The following TBCE variants were observed in gnomAD, a reference collection of about 807,000 sequenced individuals.
The protein encoded by TBCE is tubulin-specific chaperone E.
TBCE carries 53 observed loss-of-function variants against 77.0 expected under a neutral mutation model. The observed-to-expected ratio is 0.69, with a 90% confidence interval of 0.55 to 0.87. The LOEUF (loss-of-function observed/expected upper bound fraction) is 0.87, where lower values mean the gene tolerates loss of function less well. TBCE is among the 40% of genes least tolerant of loss of function. The pLI, the probability that TBCE is intolerant of heterozygous loss-of-function variation, is 0.00. For synonymous variants in TBCE, 235 were observed against 241.3 expected, an observed-to-expected ratio of 0.97 and a Z score of 0.24; for missense variants, 624 against 622.4, an observed-to-expected ratio of 1.00 and a Z score of -0.03.
At chr1:235,372,847 C>T (rs186208727) in intron 1 of TBCE, among the ~76,000 whole-genome samples, 1 of 150,762 alleles carries the variant, frequency 6.6e-6, no homozygotes, top group Admixed American at 6.7e-5. Context: ...TGGCGTGAAC[C>T]CGGGAGGCGG....
rs35242859 is a variant in TBCE at position 235,449,079 on chromosome 1, C to CAGTT, written c.*319_*322dup. The stretch of plus-strand genomic sequence containing the variant: ...TAGCTAGCCTAATAAAATCTGAACA[C>CAGTT]AGTTAATATCTGTCATAAGACTAGT... On this transcript the variant is annotated 3_prime_UTR_variant, in exon 17 of 17. Coordinates refer to ENST00000642610, the MANE Select transcript of TBCE (RefSeq NM_003193.5). The CAGTT allele has an allele frequency of 0.11, 35,724 of 324,762 alleles. 2,568 individuals carry two copies. Among genetic ancestry groups the CAGTT allele is most frequent in the African/African-American group, 0.24 (10,983 of 46,256 alleles). 20.1% of individuals were successfully genotyped at this position (324,762 alleles called of 1,614,324 possible). A position where few individuals can be genotyped will look rare whatever the true frequency, so the allele number is the denominator to read the frequency against.
intron 2 of TBCE, among the ~76,000 whole-genome samples, chr1:235,391,092 G>A (rs1020190679): frequency 6.6e-6 from 1 of 152,064 alleles, no homozygotes; most frequent in South Asian, 2.1e-4. Context: ...AGCTGCCTCT[G>A]TTGGATTAAT....
At chr1:235,439,102 C>G (rs1286380775) in intron 13 of TBCE, 180 bp downstream of exon 13, 10 of 720,328 alleles carry the variant, frequency 1.4e-5, no homozygotes, top group South Asian at 1.7e-5. Flanking sequence ...AGGGCAAGAG[C>G]AGTATCTTTC....
chr1:235,407,380 CCT>C (rs1489263236), intron 3 of TBCE, among the ~76,000 whole-genome samples: 1 of 152,020 alleles, frequency 6.6e-6, no homozygotes, highest in Non-Finnish European at 1.5e-5. Flanking sequence ...CCCGCCGTGT[CCT>C]GTCTAGTACA....
intron 1 of TBCE, among the ~76,000 whole-genome samples, chr1:235,372,072 C>A (rs529416106): frequency 2.3e-4 from 35 of 152,294 alleles, no homozygotes; most frequent in Non-Finnish European, 4.3e-4. Flanking sequence ...GCCTCGAACT[C>A]CTGGGCTCAG....
At chr1:235,426,340 G>A (rs190648890) in intron 5 of TBCE, among the ~76,000 whole-genome samples, 54 of 152,232 alleles carry the variant, frequency 3.5e-4, no homozygotes, top group African/African-American at 9.9e-4. Context: ...CCAGGCTACC[G>A]GACACCCTCT....
intron 12 of TBCE, among the ~76,000 whole-genome samples, chr1:235,438,191 G>A (rs1681586409): frequency 6.6e-6 from 1 of 152,228 alleles, no homozygotes; most frequent in Non-Finnish European, 1.5e-5. Context: ...GCAGACCTGG[G>A]GGAGGCGACC....
At chr1:235,434,620 T>C (rs1447573548) in intron 8 of TBCE, among the ~76,000 whole-genome samples, 7 of 151,320 alleles carry the variant, frequency 4.6e-5, no homozygotes, top group Non-Finnish European at 1.5e-5. Context: ...CACTGTAACC[T>C]CCGCCTCCTG....
At chr1:235,437,212 C>T in intron 11 of TBCE, 110 bp from the exon 12 acceptor site, 1 of 1,343,212 alleles carries the variant, frequency 7.4e-7, no homozygotes, top group Non-Finnish European at 1.1e-6. Context: ...TGATGAAATT[C>T]CCTGCCTCAG....
chr1:235,428,631 C>CTTTA (rs144210623), intron 6 of TBCE, among the ~76,000 whole-genome samples: 11,927 of 147,336 alleles, frequency 0.081, 1,031 homozygotes, highest in African/African-American at 0.21. Context: ...TTTAAGGACA[C>CTTTA]TTTATTTATT....
rs200721601 is a variant in TBCE, at chr1:235,380,947, G to A, written c.100+798G>A. On this transcript the variant is annotated intron_variant, in intron 2 of 16. Coordinates refer to ENST00000642610, the MANE Select transcript of TBCE (RefSeq NM_003193.5). ...ATTTCAGGCATGTGCCACCACACCCGACTAATTTTGAATTTTTAGGGGAGA... is the reference window on the plus strand; with the variant it reads ...ATTTCAGGCATGTGCCACCACACCCAACTAATTTTGAATTTTTAGGGGAGA... 2.6e-5 allele frequency among the ~76,000 whole-genome samples: 4 copies of A among 152,102 alleles called. No homozygotes were observed. In the East Asian group the frequency reaches 5.8e-4, roughly 22 times the overall value.
intron 5 of TBCE, among the ~76,000 whole-genome samples, chr1:235,422,701 C>T (rs968377223): frequency 5.3e-5 from 8 of 152,046 alleles, no homozygotes; most frequent in East Asian, 3.9e-4. Context: ...TGGTGGTGGG[C>T]GCCTGTAGTC....
Position 235,451,563 on chromosome 1 carries a change from A to G in TBCE, c.*2801A>G, listed in dbSNP as rs1682902913. On this transcript the variant is annotated 3_prime_UTR_variant, in exon 17 of 17. Transcript: ENST00000642610. ...ACAAACTGCAAAATCAGACCCAGCA[A>G]AGACTACAGATCCCAGAATTACCAG... is the stretch of plus-strand genomic sequence containing the variant. 6.6e-6 allele frequency: 1 copy of G among 152,138 alleles called. No homozygotes were observed. Among genetic ancestry groups the G allele is most frequent in the Non-Finnish European group, 1.5e-5 (1 of 68,020 alleles). 9.4% of individuals were successfully genotyped at this position (152,138 alleles called of 1,614,324 possible).
intron 9 of TBCE, 41 bp from the exon 10 acceptor site, chr1:235,436,345 A>C: frequency 6.3e-7 from 1 of 1,590,678 alleles, no homozygotes; most frequent in Non-Finnish European, 8.6e-7. Flanking sequence ...ATAGCATTTT[A>C]CATTGTTCTG....
intron 1 of TBCE, among the ~76,000 whole-genome samples, chr1:235,379,266 G>A (rs760903483): frequency 2.0e-5 from 3 of 151,972 alleles, no homozygotes; most frequent in Non-Finnish European, 2.9e-5. Context: ...AGTGGCTCAT[G>A]CCTGTAATCC....
intron 8 of TBCE, among the ~76,000 whole-genome samples, chr1:235,435,540 T>C (rs1681390202): frequency 6.6e-6 from 1 of 152,222 alleles, no homozygotes; most frequent in Non-Finnish European, 1.5e-5. Context: ...AACTATGATA[T>C]AGGATCACAG....
At chr1:235,386,956 G>A (rs1678047096) in intron 2 of TBCE, among the ~76,000 whole-genome samples, 1 of 152,084 alleles carries the variant, frequency 6.6e-6, no homozygotes, top group Non-Finnish European at 1.5e-5. Context: ...TTTGATGATG[G>A]TGATGTACAG....
intron 15 of TBCE, 75 bp downstream of exon 15, chr1:235,442,986 CT>C: frequency 6.9e-7 from 1 of 1,447,502 alleles, no homozygotes; most frequent in South Asian, 1.2e-5. Context: ...AAATTAAAAC[CT>C]TTAACTCATG....
At chr1:235,404,768 T>C (rs186349403) in intron 3 of TBCE, among the ~76,000 whole-genome samples, 13 of 151,728 alleles carry the variant, frequency 8.6e-5, no homozygotes, top group Admixed American at 8.5e-4. Context: ...TTCCAACGAT[T>C]CTCTTGCCTT....
Sources: allele counts gnomAD v4.1 joint callset (sites outside exome capture counted in the v4.1 genomes callset), GRCh38; gene constraint gnomAD v4.1.1; transcripts MANE v1.5; gene names NCBI Gene and HGNC (gene_info 2026-07-23, HGNC 2026-07-21).